The following GNAZ variants were observed in gnomAD, a reference collection of about 807,000 sequenced individuals.
GNAZ encodes G protein subunit alpha z.
GNAZ carries 3 observed loss-of-function variants against 25.4 expected under a neutral mutation model. That is an observed-to-expected ratio of 0.12 (90% CI 0.05 to 0.30). The LOEUF (loss-of-function observed/expected upper bound fraction) is 0.30, where lower values mean the gene tolerates loss of function less well. Among genes scored for constraint, GNAZ ranks in the 10% least tolerant of loss-of-function variants. The probability of loss-of-function intolerance (pLI) is 1.00; values close to 1 mark genes in which losing one functional copy is unlikely to be tolerated. For synonymous variants in GNAZ, 211 were observed against 205.7 expected (o/e 1.03, Z -0.22); for missense variants, 241 against 501.8 (o/e 0.48, Z 4.97).
intron 1 of GNAZ, among the ~76,000 whole-genome samples, chr22:23,086,298 G>A (rs760836843): frequency 2.0e-5 from 3 of 152,192 alleles, no homozygotes; most frequent in Non-Finnish European, 4.4e-5. Context: ...AGGCCACCCC[G>A]GGAAATCACC....
intron 1 of GNAZ, among the ~76,000 whole-genome samples, chr22:23,083,351 G>A (rs1444178859): frequency 6.6e-6 from 1 of 152,130 alleles, no homozygotes; most frequent in Non-Finnish European, 1.5e-5. Context: ...GAGGCCATGG[G>A]TCAGCAGCGA....
intron 2 of GNAZ, among the ~76,000 whole-genome samples, chr22:23,113,495 C>G (rs1315340541): frequency 6.6e-6 from 1 of 152,260 alleles, no homozygotes; most frequent in Non-Finnish European, 1.5e-5. Context: ...GGGAAGTGAA[C>G]TCAGGAATTC....
intron 1 of GNAZ, among the ~76,000 whole-genome samples, chr22:23,078,747 G>C (rs932649852): frequency 6.6e-6 from 1 of 152,232 alleles, no homozygotes. Flanking sequence ...GGCTTCTAAG[G>C]GGGCTGAGGG....
At chr22:23,101,880 G>T (rs739362) in intron 2 of GNAZ, among the ~76,000 whole-genome samples, 3 of 152,178 alleles carry the variant, frequency 2.0e-5, no homozygotes, top group African/African-American at 7.2e-5. Flanking sequence ...ATGGCACCTC[G>T]CATGGCAGGC....
At chr22:23,087,179 T>G (rs1245500443) in intron 1 of GNAZ, among the ~76,000 whole-genome samples, 3 of 152,090 alleles carry the variant, frequency 2.0e-5, no homozygotes, top group Non-Finnish European at 4.4e-5. Context: ...CTTTAAGAGA[T>G]GATAGAATGA....
rs370159459 is a variant in GNAZ, at chr22:23,085,486, G to A, written c.-449-9761G>A. Among the ~76,000 whole-genome samples, 175 of 152,332 alleles carry A rather than the reference G, an allele frequency of 1.1e-3. 1 individual carries two copies. Among genetic ancestry groups the A allele is most frequent in the African/African-American group, 4.1e-3 (170 of 41,584 alleles). On this transcript the variant is annotated intron_variant, in intron 1 of 2. Coordinates refer to ENST00000615612, the MANE Select transcript of GNAZ (RefSeq NM_002073.4). ...AGGGTGGAAGGCCTCAGGCCTGGGC[G>A]CACGTGCTGGGTGATTTAGGAGCAA...
chr22:23,097,831 T>C (rs538693877), intron 2 of GNAZ, among the ~76,000 whole-genome samples: 1 of 152,248 alleles, frequency 6.6e-6, no homozygotes, highest in Non-Finnish European at 1.5e-5. Flanking sequence ...GACAGTGCCA[T>C]GGTGGGTCTG....
At chr22:23,094,276 C>T (rs2069063015) in intron 1 of GNAZ, among the ~76,000 whole-genome samples, 1 of 152,100 alleles carries the variant, frequency 6.6e-6, no homozygotes, top group African/African-American at 2.4e-5. Context: ...GGCTCACAGC[C>T]GGGGAAGAAG....
chr22:23,086,042 T>G (rs1257456436), intron 1 of GNAZ, among the ~76,000 whole-genome samples: 1 of 152,252 alleles, frequency 6.6e-6, no homozygotes, highest in Non-Finnish European at 1.5e-5. Context: ...CAGAAGCGGT[T>G]CCTCTACACT....
chr22:23,094,240 GT>G (rs1334992418), intron 1 of GNAZ, among the ~76,000 whole-genome samples: 2 of 152,090 alleles, frequency 1.3e-5, no homozygotes, highest in Non-Finnish European at 2.9e-5. Flanking sequence ...GTGCGTGTGA[GT>G]TGGGTGGGGC....
intron 1 of GNAZ, among the ~76,000 whole-genome samples, chr22:23,073,484 T>C (rs974429968): frequency 7.9e-5 from 12 of 152,210 alleles, no homozygotes; most frequent in African/African-American, 2.7e-4. Context: ...AGTCAGGTCC[T>C]GGTCCCACCA....
At chr22:23,081,133 G>A (rs769466882) in intron 1 of GNAZ, among the ~76,000 whole-genome samples, 1 of 152,218 alleles carries the variant, frequency 6.6e-6, no homozygotes, top group African/African-American at 2.4e-5. Flanking sequence ...AGTAAAAGCC[G>A]TGGTTAGGTT....
rs190255034 is a variant in GNAZ, at chr22:23,114,228, C to T, written c.724-8859C>T. Reference sequence around the variant, plus strand: ...AGCGCATTCATGTCTACAACCCCGCCCCACAGCTCTGCTCTCGGCGTGAAA... The same window carrying T: ...AGCGCATTCATGTCTACAACCCCGCTCCACAGCTCTGCTCTCGGCGTGAAA... On this transcript the variant is annotated intron_variant, in intron 2 of 2. Transcript: ENST00000615612. 9.2e-5 allele frequency among the ~76,000 whole-genome samples: 14 copies of T among 152,316 alleles called. No individual in the cohort carries two copies. In the East Asian group the frequency reaches 2.5e-3, roughly 27 times the overall value.
In GNAZ at chr22:23,095,695, C is replaced by G; in HGVS notation, c.-1C>G. The G allele has an allele frequency of 6.2e-7, 1 of 1,602,506 alleles. No individual in the cohort carries two copies. Among genetic ancestry groups the G allele is most frequent in the Non-Finnish European group, 8.5e-7 (1 of 1,174,490 alleles). Reference sequence around the variant, plus strand: ...TTGTCTGGGCCCGCTGCTGCCAGACCATGGGATGTCGGCAAAGCTCAGAGG... The same window carrying G: ...TTGTCTGGGCCCGCTGCTGCCAGACGATGGGATGTCGGCAAAGCTCAGAGG... On this transcript the variant is annotated 5_prime_UTR_variant, in exon 2 of 3. Coordinates refer to ENST00000615612, the MANE Select transcript of GNAZ (RefSeq NM_002073.4).
chr22:23,074,823 G>A lies in GNAZ; in HGVS notation c.-450+4253G>A, dbSNP rs144905798. 3.1e-4 allele frequency among the ~76,000 whole-genome samples: 47 copies of A among 152,294 alleles called. No individual in the cohort carries two copies. The East Asian group carries it at 6.0e-3, about 19-fold the overall frequency. On this transcript the variant is annotated intron_variant, in intron 1 of 2. Transcript: ENST00000615612. ...GTCAAGCAGGCAGGGCATGCCCAGG[G>A]ACTGAGCAATGCAGGCACAGCTGGC...
At chr22:23,103,980 C>T (rs749009496) in intron 2 of GNAZ, among the ~76,000 whole-genome samples, 5 of 152,180 alleles carry the variant, frequency 3.3e-5, no homozygotes, top group Non-Finnish European at 7.3e-5. Flanking sequence ...CAGGTGCCTC[C>T]TCTGTCCCAA....
chr22:23,079,810 G>C (rs1045030214), intron 1 of GNAZ, among the ~76,000 whole-genome samples: 3 of 152,112 alleles, frequency 2.0e-5, no homozygotes, highest in Non-Finnish European at 2.9e-5. Flanking sequence ...CACAACCTGT[G>C]GTGCCAGCCT....
At position 23,079,005 on chromosome 22, in the gene GNAZ, G is replaced by A. The variant is rs184225203; in HGVS notation, c.-450+8435G>A. 3.1e-4 allele frequency among the ~76,000 whole-genome samples: 47 copies of A among 152,280 alleles called. 1 individual carries two copies. Among genetic ancestry groups the A allele is most frequent in the Admixed American group, 5.2e-4 (8 of 15,302 alleles). On this transcript the variant is annotated intron_variant, in intron 1 of 2. Transcript: ENST00000615612. ...CCCAACTATCCCCTCCGTGAGCCACGTTGACCGATTCCTCACTCAGTCACT... is the reference window on the plus strand; with the variant it reads ...CCCAACTATCCCCTCCGTGAGCCACATTGACCGATTCCTCACTCAGTCACT...
chr22:23,102,549 A>G (rs1257273116), intron 2 of GNAZ, among the ~76,000 whole-genome samples: 2 of 152,206 alleles, frequency 1.3e-5, no homozygotes, highest in Admixed American at 6.5e-5. Flanking sequence ...GTCAGAGGTC[A>G]GCCACAAGGC....
Sources: gnomAD v4.1 joint callset for allele counts (sites outside exome capture counted in the v4.1 genomes callset) on GRCh38, gnomAD v4.1.1 for gene constraint, MANE v1.5 for transcripts, NCBI Gene and HGNC (gene_info 2026-07-23, HGNC 2026-07-21) for gene names.